Variants in CLNK observed in about 807,000 individuals in gnomAD.
CLNK encodes the protein cytokine-dependent hematopoietic cell linker.
CLNK carries 74 observed loss-of-function variants against 68.6 expected under a neutral mutation model. The ratio of observed to expected loss-of-function variants is 1.08; its 90% CI spans 0.89 to 1.31. The LOEUF (loss-of-function observed/expected upper bound fraction) is 1.31, where lower values mean the gene tolerates loss of function less well. Among genes scored for constraint, CLNK ranks in the 50% most tolerant of loss-of-function variants. The pLI is 0.00. For missense variants in CLNK, 553 were observed against 515.3 expected (o/e 1.07, Z -0.71); for synonymous variants, 198 against 172.2 (o/e 1.15, Z -1.17).
intron 2 of CLNK, among the ~76,000 whole-genome samples, chr4:10,655,462 G>A (rs1396571443): frequency 2.0e-5 from 3 of 151,702 alleles, no homozygotes; most frequent in Non-Finnish European, 4.4e-5. Context: ...GCTAGCTGGG[G>A]AATATAAATT....
At chr4:10,716,547 C>T in the CLNK span, among the ~76,000 whole-genome samples, 53 of 152,286 alleles carry the variant, frequency 3.5e-4, no homozygotes, top group African/African-American at 1.1e-3. Context: ...AGATTTCTTT[C>T]TGTTTTACGT....
intron 17 of CLNK, among the ~76,000 whole-genome samples, chr4:10,505,998 T>C (rs1717275896): frequency 6.6e-6 from 1 of 152,250 alleles, no homozygotes; most frequent in Non-Finnish European, 1.5e-5. Context: ...AATTCATTCA[T>C]TTTTAGGTTA....
intron 4 of CLNK, among the ~76,000 whole-genome samples, chr4:10,580,471 T>C (rs1469749027): frequency 6.6e-6 from 1 of 152,160 alleles, no homozygotes. Context: ...GAAGTCATTG[T>C]TATCCTAGTA....
chr4:10,539,574 T>A (rs1234892045), intron 11 of CLNK, among the ~76,000 whole-genome samples: 1 of 152,212 alleles, frequency 6.6e-6, no homozygotes, highest in African/African-American at 2.4e-5. Context: ...CAAAATAAGG[T>A]AATTTTGGAA....
chr4:10,676,516 A>G (rs1724882405), intron 1 of CLNK, among the ~76,000 whole-genome samples: 1 of 151,528 alleles, frequency 6.6e-6, no homozygotes, highest in Non-Finnish European at 1.5e-5. Context: ...TGAGTATCTC[A>G]AGGCAATGTG....
At chr4:10,563,873 C>T (rs1349098070) in intron 7 of CLNK, among the ~76,000 whole-genome samples, 2 of 152,090 alleles carry the variant, frequency 1.3e-5, no homozygotes, top group Admixed American at 1.3e-4. Context: ...TGCCATTGCA[C>T]TCCAGCCTGG....
In CLNK at chr4:10,553,551, A is replaced by G. The variant is rs182962760; in HGVS notation, c.445+4856T>C. On this transcript the variant is annotated intron_variant, in intron 8 of 18. Coordinates refer to ENST00000226951, the MANE Select transcript of CLNK (RefSeq NM_052964.4). ...GCTGCAACCTCCGCCTCCCAGGCTC[A>G]AGCAATTCTCCTGCCTCAGCCTCCC... Among the ~76,000 whole-genome samples, 14 of 151,988 alleles carry G rather than the reference A, an allele frequency of 9.2e-5. No individual in the cohort carries two copies. The East Asian group carries it at 2.7e-3, about 29-fold the overall frequency.
At chr4:10,679,148 G>T (rs977998863) in intron 1 of CLNK, among the ~76,000 whole-genome samples, 16 of 152,110 alleles carry the variant, frequency 1.1e-4, no homozygotes, top group Non-Finnish European at 2.4e-4. Context: ...AAACAGCATG[G>T]TACTGGTACC....
Position 10,506,809 on chromosome 4 carries a change from A to T in CLNK, c.984+1150T>A, listed in dbSNP as rs371194354. ...AGGCCTGAAACTCTCCATGTTTTTTATTTTTTTTGAGAAAGAGTCTCGCTC... is the reference window on the plus strand; with the variant it reads ...AGGCCTGAAACTCTCCATGTTTTTTTTTTTTTTTGAGAAAGAGTCTCGCTC... On this transcript the variant is annotated intron_variant, in intron 17 of 18. Coordinates refer to ENST00000226951, the MANE Select transcript of CLNK (RefSeq NM_052964.4). Among the ~76,000 whole-genome samples the T allele has an allele frequency of 1.8e-4, 27 of 151,634 alleles. No homozygotes were observed. The East Asian group carries it at 2.3e-3, about 13-fold the overall frequency.
In CLNK at chr4:10,619,099, G is replaced by A. The variant is rs114267038; in HGVS notation, c.12-21050C>T. Among the ~76,000 whole-genome samples, 262 of 152,350 alleles carry A rather than the reference G, an allele frequency of 1.7e-3. 1 individual carries two copies. Among genetic ancestry groups the A allele is most frequent in the African/African-American group, 6.0e-3 (249 of 41,578 alleles). ...CCACAGAAAATCAGTGAGTAGCTCT[G>A]TGTTCTACACTGCCAGTTGCACAGT... On this transcript the variant is annotated intron_variant, in intron 2 of 18. Transcript: ENST00000226951.
intron 6 of CLNK, 87 bp from the exon 7 acceptor site, chr4:10,564,864 A>C (rs974041725): frequency 1.2e-6 from 1 of 804,076 alleles, no homozygotes; most frequent in Non-Finnish European, 2.1e-6. Context: ...CTACAAACTC[A>C]TTGGATCATT....
chr4:10,654,266 A>G (rs1723867166), intron 2 of CLNK, among the ~76,000 whole-genome samples: 1 of 151,498 alleles, frequency 6.6e-6, no homozygotes, highest in South Asian at 2.1e-4. Flanking sequence ...TTCGTTTAAC[A>G]TTACCAAACC....
intron 11 of CLNK, among the ~76,000 whole-genome samples, chr4:10,533,039 C>G (rs1174987450): frequency 1.3e-5 from 2 of 152,208 alleles, no homozygotes; most frequent in African/African-American, 4.8e-5. Flanking sequence ...AGGCTGATCA[C>G]TTGAGCTCAG....
intron 14 of CLNK, among the ~76,000 whole-genome samples, chr4:10,525,628 T>C (rs549461355): frequency 6.6e-6 from 1 of 152,324 alleles, no homozygotes; most frequent in Admixed American, 6.5e-5. Context: ...CCAAACTTCT[T>C]TAACACTCAA....
chr4:10,654,962 C>A (rs1232834372), intron 2 of CLNK, among the ~76,000 whole-genome samples: 1 of 151,700 alleles, frequency 6.6e-6, no homozygotes, highest in Non-Finnish European at 1.5e-5. Context: ...ATTAGCTGGG[C>A]GCGGTGGCAG....
At chr4:10,669,837 A>G (rs965385592) in intron 1 of CLNK, among the ~76,000 whole-genome samples, 1 of 152,128 alleles carries the variant, frequency 6.6e-6, no homozygotes, top group Admixed American at 6.5e-5. Context: ...TCATTCACTG[A>G]TGGCCCACTG....
At chr4:10,580,189 C>A (rs181249771) in intron 4 of CLNK, among the ~76,000 whole-genome samples, 4 of 152,236 alleles carry the variant, frequency 2.6e-5, no homozygotes, top group East Asian at 3.9e-4. Context: ...GATGTTGTAG[C>A]CATTATAACA....
chr4:10,672,862 T>G (rs1380698494), intron 1 of CLNK, among the ~76,000 whole-genome samples: 1 of 152,198 alleles, frequency 6.6e-6, no homozygotes, highest in Admixed American at 6.5e-5. Flanking sequence ...CACACCGATT[T>G]TTCTCATTCT....
rs187323606 is a variant in CLNK at position 10,624,353 on chromosome 4, C to A, written c.12-26304G>T. ...ACGGAGTCTCGCTCTGCTGCCCAGGCGCCATCTCGGCTCACTGCAAGCTCC... is the reference window on the plus strand; with the variant it reads ...ACGGAGTCTCGCTCTGCTGCCCAGGAGCCATCTCGGCTCACTGCAAGCTCC... On this transcript the variant is annotated intron_variant, in intron 2 of 18. Transcript: ENST00000226951. 9.2e-5 allele frequency among the ~76,000 whole-genome samples: 14 copies of A among 152,306 alleles called. 1 individual carries two copies. In the East Asian group the frequency reaches 2.3e-3, roughly 25 times the overall value.
Sources: gnomAD v4.1 joint callset for allele counts (sites outside exome capture counted in the v4.1 genomes callset) on GRCh38, gnomAD v4.1.1 for gene constraint, MANE v1.5 for transcripts, NCBI Gene and HGNC (gene_info 2026-07-23, HGNC 2026-07-21) for gene names.